SLAMF1: variants seen among roughly 807,000 people sequenced by gnomAD.
The protein encoded by SLAMF1 is signaling lymphocytic activation molecule family member 1.
SLAMF1 carries 18 observed loss-of-function variants against 35.1 expected under a neutral mutation model. That is an observed-to-expected ratio of 0.51 (90% confidence interval 0.35 to 0.76). The LOEUF is 0.76. Among genes scored for constraint, SLAMF1 ranks in the 30% least tolerant of loss-of-function variants. The pLI, the probability that SLAMF1 is intolerant of heterozygous loss-of-function variation, is 0.01. For synonymous variants in SLAMF1, 168 were observed against 157.2 expected, an observed-to-expected ratio of 1.07 and a Z score of -0.51; for missense variants, 392 against 413.0, an observed-to-expected ratio of 0.95 and a Z score of 0.44.
Position 160,610,430 on chromosome 1 carries a change from C to A in SLAMF1, c.*318G>T. ...CTGATTTTTATTATCCAGTTCCAGC[C>A]AAGAGCAAGATGCCCAAAGTCTGAA... On this transcript the variant is annotated 3_prime_UTR_variant, in exon 7 of 7. Coordinates refer to ENST00000302035, the MANE Select transcript of SLAMF1 (RefSeq NM_003037.5). The A allele has an allele frequency of 4.1e-6, 2 of 485,074 alleles. No homozygotes were observed. Among genetic ancestry groups the A allele is most frequent in the South Asian group, 1.6e-5 (1 of 62,014 alleles). The allele number at this position is 485,074 out of a possible 1,614,324, so 30.0% of individuals were successfully genotyped here.
At chr1:160,612,826 T>C (rs1659076702) in intron 5 of SLAMF1, among the ~76,000 whole-genome samples, 1 of 152,166 alleles carries the variant, frequency 6.6e-6, no homozygotes, top group Non-Finnish European at 1.5e-5. Context: ...CCTCATCCAT[T>C]GTCAGTGCTT....
At chr1:160,621,641 G>T (rs1659614857) in intron 4 of SLAMF1, among the ~76,000 whole-genome samples, 1 of 151,682 alleles carries the variant, frequency 6.6e-6, no homozygotes, top group East Asian at 1.9e-4. Flanking sequence ...GGAAGGGAAA[G>T]GCCCAGTGTG....
intron 1 of SLAMF1, among the ~76,000 whole-genome samples, chr1:160,638,450 C>T (rs1048678080): frequency 6.6e-6 from 1 of 152,198 alleles, no homozygotes; most frequent in Non-Finnish European, 1.5e-5. Context: ...TCGGCAATTG[C>T]CTCTGTCCCT....
At chr1:160,618,832 C>T (rs1300670080) in intron 5 of SLAMF1, among the ~76,000 whole-genome samples, 1 of 152,140 alleles carries the variant, frequency 6.6e-6, no homozygotes, top group Admixed American at 6.5e-5. Flanking sequence ...CCTAAACAGG[C>T]AGATGAGAGC....
At position 160,624,427 on chromosome 1, in the gene SLAMF1, A is replaced by C. The variant is rs561936755; in HGVS notation, c.701-242T>G. Among the ~76,000 whole-genome samples, 11 of 152,256 alleles carry C rather than the reference A, an allele frequency of 7.2e-5. No individual in the cohort carries two copies. In the East Asian group the frequency reaches 1.7e-3, roughly 24 times the overall value. On this transcript the variant is annotated intron_variant, in intron 3 of 6. Coordinates refer to ENST00000302035, the MANE Select transcript of SLAMF1 (RefSeq NM_003037.5). ...TAATTTCATGAAGATTTTTCTATCCAAATGCTTTATTTTTAACTCAACTAC... is the reference window on the plus strand; with the variant it reads ...TAATTTCATGAAGATTTTTCTATCCCAATGCTTTATTTTTAACTCAACTAC...
At chr1:160,629,515 C>T (rs1660059227) in intron 3 of SLAMF1, among the ~76,000 whole-genome samples, 1 of 152,152 alleles carries the variant, frequency 6.6e-6, no homozygotes, top group East Asian at 1.9e-4. Flanking sequence ...TCAAGAGATA[C>T]ATTCTTGTTC....
At position 160,618,376 on chromosome 1, in the gene SLAMF1, A is replaced by G. The variant is rs1320322205; in HGVS notation, c.864+1400T>C. On this transcript the variant is annotated intron_variant, in intron 5 of 6. Coordinates refer to ENST00000302035, the MANE Select transcript of SLAMF1 (RefSeq NM_003037.5). ...AGTTGATCCTTACTGAGGAGTGGGT[A>G]TGCATGAGTGTGTGTATGTGAGAGT... Among the ~76,000 whole-genome samples, 2 of 151,652 alleles carry G rather than the reference A, an allele frequency of 1.3e-5. 1 individual carries two copies. Among genetic ancestry groups the G allele is most frequent in the Non-Finnish European group, 2.9e-5 (2 of 67,954 alleles).
At chr1:160,633,368 G>A (rs1660263853) in intron 3 of SLAMF1, among the ~76,000 whole-genome samples, 1 of 152,168 alleles carries the variant, frequency 6.6e-6, no homozygotes, top group South Asian at 2.1e-4. Flanking sequence ...AGAACTTCCA[G>A]GGGCACACTG....
chr1:160,629,139 A>C (rs1212780273), intron 3 of SLAMF1, among the ~76,000 whole-genome samples: 1 of 152,094 alleles, frequency 6.6e-6, no homozygotes, highest in Non-Finnish European at 1.5e-5. Flanking sequence ...CTCACATGCC[A>C]TTTGGGAAGA....
chr1:160,637,056 A>AAATACCCCC (rs1002649524), intron 2 of SLAMF1, 135 bp downstream of exon 2: 25 of 647,134 alleles, frequency 3.9e-5, no homozygotes, highest in Non-Finnish European at 5.2e-5. Flanking sequence ...CAGCAGGTTT[A>AAATACCCCC]AATACCCCCA....
chr1:160,638,155 TA>T (rs11344567), intron 1 of SLAMF1, among the ~76,000 whole-genome samples: 26,338 of 148,024 alleles, frequency 0.18, 2,306 homozygotes, highest in African/African-American at 0.21. Context: ...ACAACAAGGT[TA>T]AAAAAAAAAA....
At chr1:160,643,974 G>A (rs78295185) in intron 1 of SLAMF1, among the ~76,000 whole-genome samples, 3,146 of 152,010 alleles carry the variant, frequency 0.021, 102 homozygotes, top group African/African-American at 0.073. Flanking sequence ...TCATAGACAT[G>A]ACATGTTTTA....
chr1:160,620,421 A>G lies in SLAMF1; in HGVS notation c.791-572T>C, dbSNP rs538370311. Among the ~76,000 whole-genome samples, 7 of 152,308 alleles carry G rather than the reference A, an allele frequency of 4.6e-5. No homozygotes were observed. The South Asian group carries it at 1.4e-3, about 32-fold the overall frequency. ...CCTGGGACTATTTAGAAAATAAAGC[A>G]ACAATGTCATTCTGTTGCCCACCAT... On this transcript the variant is annotated intron_variant, in intron 4 of 6. Coordinates refer to ENST00000302035, the MANE Select transcript of SLAMF1 (RefSeq NM_003037.5).
intron 4 of SLAMF1, among the ~76,000 whole-genome samples, chr1:160,621,847 C>T (rs961679809): frequency 4.3e-5 from 5 of 116,548 alleles, no homozygotes; most frequent in East Asian, 4.3e-4. Flanking sequence ...GAGGAGTGTG[C>T]GTGAGTGCGT....
intron 1 of SLAMF1, among the ~76,000 whole-genome samples, chr1:160,643,366 A>G (rs1660860296): frequency 6.6e-6 from 1 of 152,184 alleles, no homozygotes; most frequent in Non-Finnish European, 1.5e-5. Flanking sequence ...TGGCCTGCTT[A>G]GGAAGATAGT....
Position 160,637,478 on chromosome 1 carries a change from A to G in SLAMF1, c.128T>C (p.Val43Ala). 6 of 1,613,722 alleles carry G rather than the reference A, an allele frequency of 3.7e-6. No individual in the cohort carries two copies. Among genetic ancestry groups the G allele is most frequent in the Non-Finnish European group, 5.1e-6 (6 of 1,179,998 alleles). ...CCTTTCATATGTCAGGGGCAGCAGC[A>G]CTTTGCTTCCCAACTGCCGGAGAAT... ...PKILRQLGSK[V>A]LLPLTYERIN... is the part of the protein sequence containing the mutation. The change falls in exon 2 of 7, where the codon GTG (valine) becomes GCG (alanine). Residue 43 changes from valine (V) to alanine (A), a missense_variant. Physicochemically the swap from Val to Ala is moderately conservative, Grantham distance 64. Transcript: ENST00000302035.
At chr1:160,633,895 T>G (rs1412750721) in intron 3 of SLAMF1, among the ~76,000 whole-genome samples, 1 of 152,242 alleles carries the variant, frequency 6.6e-6, no homozygotes, top group Non-Finnish European at 1.5e-5. Context: ...TTTCCTCATC[T>G]GTAAAATGAA....
intron 3 of SLAMF1, among the ~76,000 whole-genome samples, chr1:160,624,724 A>G (rs1458965397): frequency 6.6e-6 from 1 of 152,232 alleles, no homozygotes; most frequent in Non-Finnish European, 1.5e-5. Context: ...AACTGAAAGG[A>G]AAGTATTTAG....
chr1:160,626,499 T>C (rs902108228), intron 3 of SLAMF1, among the ~76,000 whole-genome samples: 26 of 152,242 alleles, frequency 1.7e-4, no homozygotes, highest in Non-Finnish European at 2.4e-4. Context: ...AACTCTAATT[T>C]TTTTCCTCAT....
Sources: gnomAD v4.1 joint callset for allele counts (sites outside exome capture counted in the v4.1 genomes callset) on GRCh38, gnomAD v4.1.1 for gene constraint, MANE v1.5 for transcripts, NCBI Gene and HGNC (gene_info 2026-07-23, HGNC 2026-07-21) for gene names.